Variants in HSPA4 observed in about 807,000 individuals in gnomAD.
HSPA4 encodes the protein heat shock 70 kDa protein 4.
In HSPA4, 25 loss-of-function variants were observed where a neutral mutation model predicts 106.2. That is an observed-to-expected ratio of 0.24 (90% CI 0.17 to 0.33). The LOEUF is 0.33. Ranked by LOEUF, HSPA4 falls within the 10% of genes least tolerant of loss-of-function variation. The probability of loss-of-function intolerance (pLI) is 1.00; values close to 1 mark genes in which losing one functional copy is unlikely to be tolerated. For synonymous variants in HSPA4, 332 were observed against 333.6 expected (o/e 1.00, Z 0.05); for missense variants, 841 against 996.0 (o/e 0.84, Z 2.10).
intron 7 of HSPA4, among the ~76,000 whole-genome samples, chr5:133,085,681 C>T (rs1024721532): frequency 5.3e-5 from 8 of 151,218 alleles, no homozygotes; most frequent in South Asian, 4.2e-4. Context: ...CTGCCGCCCC[C>T]GCCCCCCAAA....
Position 133,097,406 on chromosome 5 carries a change from G to A in HSPA4, c.1929+120G>A, listed in dbSNP as rs1004270487. The A allele has an allele frequency of 1.5e-5, 11 of 757,884 alleles. No individual in the cohort carries two copies. The African/African-American group carries it at 1.9e-4, about 13-fold the overall frequency. 46.9% of individuals were successfully genotyped at this position (757,884 alleles called of 1,614,324 possible). ...GAATTATTAAAAATGGAGTTTTTCT[G>A]GGGGGGGCAAAATTTTATATTTTTT... On this transcript the variant is annotated intron_variant, in intron 15 of 18. Coordinates refer to ENST00000304858, the MANE Select transcript of HSPA4 (RefSeq NM_002154.4).
intron 11 of HSPA4, among the ~76,000 whole-genome samples, chr5:133,089,989 C>T (rs940172933): frequency 6.6e-6 from 1 of 152,184 alleles, no homozygotes; most frequent in South Asian, 2.1e-4. Flanking sequence ...TAGAACCAGC[C>T]AAATGGCTGT....
chr5:133,068,457 T>C (rs557456375), intron 3 of HSPA4, among the ~76,000 whole-genome samples: 1 of 152,082 alleles, frequency 6.6e-6, no homozygotes, highest in South Asian at 2.1e-4. Flanking sequence ...TGATTGGCTT[T>C]CCAGGCAGGT....
At chr5:133,065,852 T>TG (rs1474767455) in intron 2 of HSPA4, among the ~76,000 whole-genome samples, 2 of 152,216 alleles carry the variant, frequency 1.3e-5, no homozygotes, top group African/African-American at 4.8e-5. Flanking sequence ...TCTAAGTGTC[T>TG]GAGATATCTG....
chr5:133,056,009 T>C (rs10043154), intron 1 of HSPA4, among the ~76,000 whole-genome samples: 56,018 of 151,902 alleles, frequency 0.37, 12,562 homozygotes, highest in African/African-American at 0.64. Context: ...ACCTGGTAGG[T>C]GGAGGTTGCA....
chr5:133,066,383 T>G (rs1361243698), intron 2 of HSPA4, among the ~76,000 whole-genome samples: 1 of 152,220 alleles, frequency 6.6e-6, no homozygotes, highest in African/African-American at 2.4e-5. Context: ...TGGAATTTTT[T>G]GAATATTTTT....
intron 1 of HSPA4, among the ~76,000 whole-genome samples, chr5:133,061,502 T>A (rs550299010): frequency 6.6e-6 from 1 of 152,314 alleles, no homozygotes; most frequent in South Asian, 2.1e-4. Flanking sequence ...ACTTACGGCT[T>A]ATAAAACATT....
Position 133,052,297 on chromosome 5 carries a change from C to T in HSPA4, c.47C>T (p.Ala16Val). 1.9e-6 allele frequency: 3 copies of T among 1,595,436 alleles called. No individual in the cohort carries two copies. The highest frequency in any genetic ancestry group is 2.6e-6 in the Non-Finnish European group (3 of 1,173,588). The change falls in exon 1 of 19, where the codon GCT (alanine) becomes GTT (valine). Residue 16 changes from alanine to valine, a missense_variant. Physicochemically the swap from Ala to Val is moderately conservative, Grantham distance 64. Around this residue, in one of 5 missense-constraint regions of HSPA4, gnomAD observed 347 missense variants for 408.7 expected, o/e 0.85. Transcript: ENST00000304858. ...IDLGFQSCYV[A>V]VARAGGIETI... Reference sequence around the variant, plus strand: ...CTGGGCTTCCAGAGCTGCTACGTCGCTGTGGCCCGCGCCGGCGGCATCGAG... The same window carrying T: ...CTGGGCTTCCAGAGCTGCTACGTCGTTGTGGCCCGCGCCGGCGGCATCGAG...
At chr5:133,066,666 C>CT (rs1765309065) in intron 2 of HSPA4, among the ~76,000 whole-genome samples, 2 of 143,420 alleles carry the variant, frequency 1.4e-5, no homozygotes, top group South Asian at 4.5e-4. Flanking sequence ...TTTTTGTGTA[C>CT]TTAGTATGAT....
At chr5:133,090,401 A>C (rs1765631644) in intron 11 of HSPA4, among the ~76,000 whole-genome samples, 1 of 133,934 alleles carries the variant, frequency 7.5e-6, no homozygotes, top group Admixed American at 8.3e-5. Context: ...ACTGCACTCC[A>C]GCCTAGGCGA....
chr5:133,086,594 CCAAA>C (rs1765581424), intron 7 of HSPA4, among the ~76,000 whole-genome samples, 184 bp from the exon 8 acceptor site: 1 of 152,324 alleles, frequency 6.6e-6, no homozygotes, highest in South Asian at 2.1e-4. Flanking sequence ...TGAGGAACTG[CCAAA>C]CACTTTTCCC....
At chr5:133,100,891 G>C (rs1361400156) in intron 16 of HSPA4, among the ~76,000 whole-genome samples, 1 of 152,216 alleles carries the variant, frequency 6.6e-6, no homozygotes, top group Non-Finnish European at 1.5e-5. Flanking sequence ...CTGCAGCCTC[G>C]ACCTCCCATG....
chr5:133,101,175 T>C (rs995522204), intron 16 of HSPA4, among the ~76,000 whole-genome samples: 2 of 152,244 alleles, frequency 1.3e-5, no homozygotes, highest in Non-Finnish European at 2.9e-5. Context: ...ATTTTTTTGT[T>C]TGAATCAGTA....
Position 133,103,898 on chromosome 5 carries a change from A to C in HSPA4, c.2191A>C (p.Met731Leu). The change falls in exon 18 of 19, where the codon ATG becomes CTG. Residue 731 changes from methionine to leucine, a missense_variant. Around this residue, in one of 5 missense-constraint regions of HSPA4, gnomAD observed 328 missense variants for 372.2 expected, o/e 0.88. Coordinates refer to ENST00000304858, the MANE Select transcript of HSPA4 (RefSeq NM_002154.4). The stretch of plus-strand genomic sequence containing the variant: ...GTATGATCATTTGGATGCTGCTGAC[A>C]TGACAAAGGTAGAAAAAAGCACAAA... Reference protein sequence around the residue: ...DQYDHLDAADMTKVEKSTNEA... With the variant: ...DQYDHLDAADLTKVEKSTNEA... The C allele has an allele frequency of 1.2e-6, 2 of 1,614,152 alleles. No homozygotes were observed. The highest frequency in any genetic ancestry group is 1.7e-6 in the Non-Finnish European group (2 of 1,180,014).
intron 11 of HSPA4, 50 bp from the exon 12 acceptor site, chr5:133,091,143 G>A (rs1765642509): frequency 5.6e-6 from 8 of 1,434,620 alleles, no homozygotes; most frequent in Non-Finnish European, 7.9e-6. Flanking sequence ...ATTCATGCTT[G>A]AATTCATCCT....
At chr5:133,068,341 T>C (rs922148254) in intron 3 of HSPA4, among the ~76,000 whole-genome samples, 1 of 151,750 alleles carries the variant, frequency 6.6e-6, no homozygotes, top group African/African-American at 2.4e-5. Flanking sequence ...TGCAGTGAAC[T>C]GATCACAGAA....
rs1765450761 is a variant in HSPA4, at chr5:133,076,770, C to G, written c.780C>G (p.Ile260Met). 2.5e-6 allele frequency: 4 copies of G among 1,613,832 alleles called. No homozygotes were observed. The highest frequency in any genetic ancestry group is 2.7e-5 in the African/African-American group (2 of 74,924). ...ACAAGCTAGACATTAAGTCCAAAAT[C>G]CGTGCATTATTACGACTCTCTCAGG... ...KKYKLDIKSK[I>M]RALLRLSQEC... Residue 260 changes from isoleucine to methionine, a missense_variant, in exon 7 of 19, where the codon ATC becomes ATG. Physicochemically the swap from Ile to Met is conservative, Grantham distance 10 (BLOSUM62 1). This residue lies in a region of HSPA4 where 347 missense variants were observed against 408.7 expected (regional missense o/e 0.85). Transcript: ENST00000304858.
chr5:133,081,948 C>T (rs1304210961), intron 7 of HSPA4, among the ~76,000 whole-genome samples: 1 of 152,134 alleles, frequency 6.6e-6, no homozygotes, highest in Admixed American at 6.6e-5. Context: ...GAAATGGAAA[C>T]ACATGTCCAC....
At chr5:133,098,638 A>G in intron 15 of HSPA4, among the ~76,000 whole-genome samples, 1 of 140,330 alleles carries the variant, frequency 7.1e-6, no homozygotes, top group East Asian at 2.1e-4. Flanking sequence ...TGTTTTCTTT[A>G]TTTACTCATT....
Sources: allele counts gnomAD v4.1 joint callset (sites outside exome capture counted in the v4.1 genomes callset), GRCh38; gene constraint gnomAD v4.1.1; regional missense constraint gnomAD v4.1.1; transcripts MANE v1.5; gene names NCBI Gene and HGNC (gene_info 2026-07-23, HGNC 2026-07-21).